DCUN1D2: variants seen among roughly 807,000 people sequenced by gnomAD.
DCUN1D2 encodes defective in cullin neddylation 1 domain containing 2.
In DCUN1D2, 29 loss-of-function variants were observed where a neutral mutation model predicts 30.9. The ratio of observed to expected loss-of-function variants is 0.94; its 90% CI spans 0.70 to 1.28. The LOEUF (loss-of-function observed/expected upper bound fraction) is 1.28, where lower values mean the gene tolerates loss of function less well. DCUN1D2 is among the 50% of genes most tolerant of loss of function. The pLI is 0.00. For missense variants in DCUN1D2, 325 were observed against 316.9 expected (o/e 1.03, Z -0.19); for synonymous variants, 121 against 115.3 (o/e 1.05, Z -0.32).
intron 4 of DCUN1D2, among the ~76,000 whole-genome samples, chr13:113,461,978 C>A (rs762225866): frequency 2.6e-5 from 4 of 152,104 alleles, no homozygotes; most frequent in Non-Finnish European, 4.4e-5. Flanking sequence ...ACCGGCCGGG[C>A]GTGGTGGCTC....
upstream of DCUN1D2, chr13:113,490,883 C>G (rs974389267): frequency 2.9e-5 from 8 of 280,178 alleles, no homozygotes; most frequent in African/African-American, 1.8e-4. This position sits in a 1 kb window ranked among gnomAD's most constrained non-coding sequence, Gnocchi z 5.2. Context: ...TCTGCGAGGG[C>G]CTTGGCTCGC....
At chr13:113,483,748 G>A in intron 2 of DCUN1D2, 92 bp downstream of exon 2, 1 of 1,302,500 alleles carries the variant, frequency 7.7e-7, no homozygotes, top group Non-Finnish European at 1.1e-6. Flanking sequence ...GCAGCCCGGA[G>A]ACCTGCCCCG....
chr13:113,470,940 C>T lies in DCUN1D2; in HGVS notation c.520+3184G>A, dbSNP rs533270451. ...ACAGGGGACCCAGCTCCACAGAAGA[C>T]ACAACTCCACAGGGGACCCAACTCC... is the stretch of plus-strand genomic sequence containing the variant. On this transcript the variant is annotated intron_variant, in intron 4 of 6. Coordinates refer to ENST00000478244, the MANE Select transcript of DCUN1D2 (RefSeq NM_001014283.2). Among the ~76,000 whole-genome samples the T allele has an allele frequency of 4.6e-5, 7 of 150,950 alleles. No individual in the cohort carries two copies. The East Asian group carries it at 1.4e-3, about 30-fold the overall frequency.
chr13:113,474,193 T>G lies in DCUN1D2; in HGVS notation c.451A>C (p.Thr151Pro). 3 of 1,614,192 alleles carry G rather than the reference T, an allele frequency of 1.9e-6. No individual in the cohort carries two copies. The highest frequency in any genetic ancestry group is 2.5e-6 in the Non-Finnish European group (3 of 1,180,002). ...LPRLEQELKD[T>P]AKFKDFYQFT... is the part of the protein sequence containing the mutation. ...TGATAAAAATCTTTAAACTTGGCTG[T>G]GTCCTTCAGCTCCTGCTCCAGTCTT... The change falls in exon 4 of 7, where the codon ACA becomes CCA. Residue 151 changes from threonine to proline, a missense_variant. By Grantham distance (38) the Thr-to-Pro change is conservative. Coordinates refer to ENST00000478244, the MANE Select transcript of DCUN1D2 (RefSeq NM_001014283.2).
chr13:113,459,452 A>G (rs1318273220), intron 5 of DCUN1D2, 44 bp from the exon 6 acceptor site: 2 of 883,182 alleles, frequency 2.3e-6, no homozygotes, highest in Non-Finnish European at 3.8e-6. Context: ...TTTAAAATAC[A>G]GAGCTTAACT....
upstream of DCUN1D2, among the ~76,000 whole-genome samples, chr13:113,491,528 C>T (rs1291032850): frequency 2.0e-5 from 3 of 152,068 alleles, no homozygotes; most frequent in Non-Finnish European, 4.4e-5. Flanking sequence ...TCCTCTCTCT[C>T]CCTCCCTGGG....
rs2044249412 is a variant in DCUN1D2, at chr13:113,457,742, C to T, written c.*287G>A. On this transcript the variant is annotated 3_prime_UTR_variant, in exon 7 of 7. Coordinates refer to ENST00000478244, the MANE Select transcript of DCUN1D2 (RefSeq NM_001014283.2). ...CGGTCCCACAGGCGGCGCTATGGCT[C>T]TACCTTAGTATTTTGTAAATATTAA... The T allele has an allele frequency of 1.6e-5, 5 of 315,306 alleles. No homozygotes were observed. In the East Asian group the frequency reaches 2.8e-4, roughly 18 times the overall value. The allele number at this position is 315,306 out of a possible 1,614,324, so 19.5% of individuals were successfully genotyped here.
chr13:113,459,278 T>C (rs1352235533), intron 6 of DCUN1D2, 34 bp downstream of exon 6: 2 of 1,172,470 alleles, frequency 1.7e-6, no homozygotes, highest in Non-Finnish European at 2.6e-6. Flanking sequence ...GTGTAAGCAT[T>C]TCGGTCAATC....
At chr13:113,464,284 G>C (rs1431717710) in intron 4 of DCUN1D2, among the ~76,000 whole-genome samples, 1 of 152,226 alleles carries the variant, frequency 6.6e-6, no homozygotes, top group East Asian at 1.9e-4. Context: ...CTTGTTGTCA[G>C]TGAGGAATTC....
intron 4 of DCUN1D2, among the ~76,000 whole-genome samples, chr13:113,465,753 A>C (rs2044391940): frequency 6.8e-6 from 1 of 147,470 alleles, no homozygotes; most frequent in Non-Finnish European, 1.5e-5. Context: ...TGCAGCCTCC[A>C]CCTCCCAGGC....
At chr13:113,475,702 C>T (rs1299508566) in intron 3 of DCUN1D2, among the ~76,000 whole-genome samples, 2 of 152,098 alleles carry the variant, frequency 1.3e-5, no homozygotes, top group Non-Finnish European at 2.9e-5. Context: ...GTCTGGGCAA[C>T]ATAGAGAGAC....
chr13:113,465,621 G>T (rs1359511277), intron 4 of DCUN1D2, among the ~76,000 whole-genome samples: 1 of 151,472 alleles, frequency 6.6e-6, no homozygotes, highest in African/African-American at 2.4e-5. Context: ...AACACCGAAG[G>T]AGCTCATCTC....
chr13:113,474,863 T>C (rs1434759190), intron 3 of DCUN1D2, among the ~76,000 whole-genome samples: 1 of 152,220 alleles, frequency 6.6e-6, no homozygotes, highest in Non-Finnish European at 1.5e-5. Flanking sequence ...CTACCTTATT[T>C]AGGGATCTCT....
intron 4 of DCUN1D2, among the ~76,000 whole-genome samples, chr13:113,467,189 G>A (rs1355203050): frequency 6.6e-6 from 1 of 152,200 alleles, no homozygotes; most frequent in Non-Finnish European, 1.5e-5. Context: ...ATGAAGACCA[G>A]CCAGTTTAGA....
chr13:113,461,113 A>G lies in DCUN1D2; in HGVS notation c.544T>C (p.Trp182Arg). 6.2e-7 allele frequency: 1 copy of G among 1,610,176 alleles called. No homozygotes were observed. The highest frequency in any genetic ancestry group is 8.5e-7 in the Non-Finnish European group (1 of 1,177,194). Reference sequence around the variant, plus strand: ...AACCTTCCAGATAACACTAATTTCCAATACGCAACAGCCATTTCTAAGTCT... The same window carrying G: ...AACCTTCCAGATAACACTAATTTCCGATACGCAACAGCCATTTCTAAGTCT... ...GLDLEMAVAY[W>R]KLVLSGRFKF... Residue 182 changes from tryptophan to arginine, a missense_variant, in exon 5 of 7, where the codon TGG (tryptophan) becomes CGG (arginine). By Grantham distance (101) the Trp-to-Arg change is moderately radical. Transcript: ENST00000478244.
At position 113,490,615 on chromosome 13, in the gene DCUN1D2, G is replaced by GCCCGAA; in HGVS notation, c.3+51_3+52insTTCGGG. On this transcript the variant is annotated intron_variant, in intron 1 of 6. Coordinates refer to ENST00000478244, the MANE Select transcript of DCUN1D2 (RefSeq NM_001014283.2). The surrounding 1 kb of genome is among the most constrained non-coding windows in gnomAD (Gnocchi z 5.2). Reference sequence around the variant, plus strand: ...GCGCGCCGCCTGCGCCGACCTTGGGGCCCGACCCCGACCCCGACCCCGACG... The same window carrying GCCCGAA: ...GCGCGCCGCCTGCGCCGACCTTGGGGCCCGAACCCGACCCCGACCCCGACCCCGACG... 37 of 1,221,142 alleles carry GCCCGAA rather than the reference G, an allele frequency of 3.0e-5. No individual in the cohort carries two copies. The highest frequency in any genetic ancestry group is 3.8e-5 in the Non-Finnish European group (37 of 980,990). 75.6% of individuals were successfully genotyped at this position (1,221,142 alleles called of 1,614,324 possible).
chr13:113,460,436 G>A (rs547417209), intron 5 of DCUN1D2, among the ~76,000 whole-genome samples: 56 of 152,342 alleles, frequency 3.7e-4, no homozygotes, highest in Admixed American at 5.9e-4. Context: ...CCATTACCGG[G>A]CTTGTGGCCA....
intron 3 of DCUN1D2, 116 bp from the exon 4 acceptor site, chr13:113,474,370 C>T (rs2044576116): frequency 7.1e-7 from 1 of 1,410,014 alleles, no homozygotes; most frequent in Non-Finnish European, 9.6e-7. Context: ...GACCGTATTT[C>T]CCAACTTCCT....
intron 2 of DCUN1D2, 114 bp downstream of exon 2, chr13:113,483,726 G>A: frequency 9.9e-7 from 1 of 1,009,110 alleles, no homozygotes; most frequent in Non-Finnish European, 1.5e-6. Context: ...AGCGTGGGGA[G>A]GAGAAGCAAC....
Sources: gnomAD v4.1 joint callset for allele counts (sites outside exome capture counted in the v4.1 genomes callset) on GRCh38, gnomAD v4.1.1 for gene constraint, Gnocchi (gnomAD v3.1) non-coding constraint, MANE v1.5 for transcripts, NCBI Gene and HGNC (gene_info 2026-07-23, HGNC 2026-07-21) for gene names.